CDH12: variants seen among roughly 807,000 people sequenced by gnomAD.
CDH12 encodes the protein cadherin 12.
Under a neutral mutation model 74.1 loss-of-function variants are expected in CDH12, and 41 were observed. That is an observed-to-expected ratio of 0.55 (90% CI 0.43 to 0.72). The LOEUF (loss-of-function observed/expected upper bound fraction) is 0.72. Ranked by LOEUF, CDH12 falls within the 30% of genes least tolerant of loss-of-function variation. CDH12 has a pLI of 0.00. For missense variants in CDH12, 945 were observed against 977.2 expected, an observed-to-expected ratio of 0.97 and a Z score of 0.44; for synonymous variants, 399 against 355.0, an observed-to-expected ratio of 1.12 and a Z score of -1.39.
intron 6 of CDH12, among the ~76,000 whole-genome samples, chr5:21,891,572 T>TAC (rs66657734): frequency 0.031 from 4,471 of 145,040 alleles, 228 homozygotes; most frequent in African/African-American, 0.1. Flanking sequence ...CACACACACA[T>TAC]ACACACACAC....
chr5:21,882,852 G>T, intron 6 of CDH12: 1 of 1,578,496 alleles, frequency 6.3e-7, no homozygotes. Context: ...TGACTTGAAG[G>T]ATAAATATAA....
chr5:21,940,027 G>C (rs373583310), intron 6 of CDH12, among the ~76,000 whole-genome samples: 5 of 151,832 alleles, frequency 3.3e-5, no homozygotes, highest in African/African-American at 9.7e-5. Context: ...TTTAGACCAG[G>C]CTGGCCAACA....
chr5:22,837,108 A>T (rs2126513733), intron 1 of CDH12, among the ~76,000 whole-genome samples: 1 of 152,308 alleles, frequency 6.6e-6, no homozygotes, highest in African/African-American at 2.4e-5. Context: ...ATCTTGGGAC[A>T]TCAAATTCAC....
At chr5:21,986,075 C>T (rs1298364537) in intron 5 of CDH12, among the ~76,000 whole-genome samples, 1 of 152,030 alleles carries the variant, frequency 6.6e-6, no homozygotes, top group Non-Finnish European at 1.5e-5. Context: ...TTTGAGAACT[C>T]CCCTGCCTGA....
intron 6 of CDH12, among the ~76,000 whole-genome samples, chr5:21,943,224 T>TA (rs200274262): frequency 0.17 from 25,679 of 152,088 alleles, 2,573 homozygotes; most frequent in African/African-American, 0.27. Context: ...AGGTATTCTT[T>TA]ATAGCAATGT....
intron 3 of CDH12, among the ~76,000 whole-genome samples, chr5:22,390,209 T>C (rs2126415150): frequency 6.6e-6 from 1 of 152,292 alleles, no homozygotes; most frequent in Middle Eastern, 3.4e-3. Context: ...GAGAGTAGGC[T>C]AAGGATTCAT....
chr5:22,774,539 C>A (rs150057215), intron 1 of CDH12, among the ~76,000 whole-genome samples: 24 of 152,090 alleles, frequency 1.6e-4, no homozygotes, highest in African/African-American at 5.3e-4. Flanking sequence ...CAAGTCTTTC[C>A]CATGCTGTTC....
At chr5:22,036,849 T>C (rs772136685) in intron 5 of CDH12, among the ~76,000 whole-genome samples, 3 of 152,206 alleles carry the variant, frequency 2.0e-5, no homozygotes, top group African/African-American at 4.8e-5. Context: ...AGCATTTAGA[T>C]AACTCATTTC....
chr5:22,386,482 C>T (rs1431138602), intron 3 of CDH12, among the ~76,000 whole-genome samples: 1 of 152,148 alleles, frequency 6.6e-6, no homozygotes, highest in African/African-American at 2.4e-5. Context: ...AATCAACCTC[C>T]TTATTTCAAT....
chr5:22,775,754 C>CATT (rs1401113029), intron 1 of CDH12, among the ~76,000 whole-genome samples: 3 of 152,096 alleles, frequency 2.0e-5, no homozygotes, highest in Admixed American at 6.6e-5. Context: ...TATATGGTCT[C>CATT]ATTATTCTTC....
chr5:22,651,452 TC>T (rs1364507171), intron 1 of CDH12, among the ~76,000 whole-genome samples: 1 of 152,062 alleles, frequency 6.6e-6, no homozygotes, highest in Non-Finnish European at 1.5e-5. Context: ...GGAAACTTCT[TC>T]ACAAGGTGAT....
intron 3 of CDH12, among the ~76,000 whole-genome samples, chr5:22,288,381 C>A (rs1005180870): frequency 6.6e-6 from 1 of 152,026 alleles, no homozygotes; most frequent in South Asian, 2.1e-4. Context: ...TATATACATG[C>A]GTATACAGTT....
chr5:22,500,039 C>A (rs947812327), intron 2 of CDH12, among the ~76,000 whole-genome samples: 3 of 151,894 alleles, frequency 2.0e-5, no homozygotes, highest in Non-Finnish European at 2.9e-5. Context: ...TTTTTTATTT[C>A]CTGCACTGTC....
intron 14 of CDH12, among the ~76,000 whole-genome samples, chr5:21,754,854 T>C (rs992687308): frequency 2.6e-5 from 4 of 152,208 alleles, no homozygotes; most frequent in Non-Finnish European, 5.9e-5. Context: ...AGTGAATTAA[T>C]AAATGGAGAA....
At position 22,433,459 on chromosome 5, in the gene CDH12, G is replaced by T. The variant is rs528640244; in HGVS notation, c.-427-28108C>A. ...TACTGGAGATATTAAAACGTATAGG[G>T]ATGCATGCATCACTTAAGGAATTCA... On this transcript the variant is annotated intron_variant, in intron 2 of 14. Transcript: ENST00000382254. Among the ~76,000 whole-genome samples the T allele has an allele frequency of 1.3e-4, 20 of 152,002 alleles. No individual in the cohort carries two copies. The East Asian group carries it at 3.7e-3, about 28-fold the overall frequency.
intron 9 of CDH12, among the ~76,000 whole-genome samples, chr5:21,804,505 T>C (rs543531410): frequency 1.3e-5 from 2 of 152,264 alleles, no homozygotes; most frequent in East Asian, 3.9e-4. Context: ...GAAGGGCCAT[T>C]ATGTTGACAT....
chr5:21,986,124 C>T (rs189863277), intron 5 of CDH12, among the ~76,000 whole-genome samples: 2 of 152,118 alleles, frequency 1.3e-5, no homozygotes, highest in African/African-American at 4.8e-5. Context: ...GGAAATATTT[C>T]ACCTTCTATT....
intron 1 of CDH12, among the ~76,000 whole-genome samples, chr5:22,590,063 C>T (rs968093736): frequency 2.0e-5 from 3 of 151,908 alleles, no homozygotes; most frequent in East Asian, 1.9e-4. Flanking sequence ...TGTACTATCT[C>T]GACAATTTTC....
chr5:22,199,926 G>A (rs2150353645), intron 4 of CDH12, among the ~76,000 whole-genome samples: 1 of 152,324 alleles, frequency 6.6e-6, no homozygotes, highest in Admixed American at 6.5e-5. Context: ...CCTTGTGAAG[G>A]CTTTTAGAAA....
Sources: allele counts gnomAD v4.1 joint callset (sites outside exome capture counted in the v4.1 genomes callset), GRCh38; gene constraint gnomAD v4.1.1; transcripts MANE v1.5; gene names NCBI Gene and HGNC (gene_info 2026-07-23, HGNC 2026-07-21).